The following ATP2B2 variants were observed in gnomAD, a reference collection of about 807,000 sequenced individuals.
ATP2B2 encodes the protein ATPase plasma membrane Ca2+ transporting 2, also known as plasma membrane calcium-transporting ATPase 2.
ATP2B2 carries 15 observed loss-of-function variants against 120.0 expected under a neutral mutation model. The observed-to-expected ratio is 0.12, with a 90% CI of 0.08 to 0.19. The LOEUF (loss-of-function observed/expected upper bound fraction) is 0.19. Among genes scored for constraint, ATP2B2 ranks in the 10% least tolerant of loss-of-function variants. The pLI is 1.00. For synonymous variants in ATP2B2, 694 were observed against 700.3 expected (o/e 0.99, Z 0.14); for missense variants, 1,045 against 1,719.8 (o/e 0.61, Z 6.94).
intron 2 of ATP2B2, among the ~76,000 whole-genome samples, chr3:10,560,964 G>A (rs1402279806): frequency 6.6e-6 from 1 of 152,018 alleles, no homozygotes; most frequent in Non-Finnish European, 1.5e-5. Flanking sequence ...CTTCTGCCTG[G>A]AACACTCGTG....
chr3:10,567,209 C>G (rs1319697217), intron 2 of ATP2B2, among the ~76,000 whole-genome samples: 1 of 152,206 alleles, frequency 6.6e-6, no homozygotes, highest in Non-Finnish European at 1.5e-5. Flanking sequence ...CAAAGCCTAC[C>G]CAGGGACAGA....
At chr3:10,477,496 A>G (rs1402339196) in intron 1 of ATP2B2, among the ~76,000 whole-genome samples, 1 of 152,208 alleles carries the variant, frequency 6.6e-6, no homozygotes, top group Non-Finnish European at 1.5e-5. Context: ...AACCCATCTC[A>G]GAACGTTTTC....
At chr3:10,424,442 T>C (rs1013712101) in intron 2 of ATP2B2, among the ~76,000 whole-genome samples, 2 of 152,190 alleles carry the variant, frequency 1.3e-5, no homozygotes, top group African/African-American at 4.8e-5. Flanking sequence ...GACTTGGCAA[T>C]AGACAAGAGC....
chr3:10,408,302 C>T (rs2062487627), intron 3 of ATP2B2, among the ~76,000 whole-genome samples: 1 of 152,194 alleles, frequency 6.6e-6, no homozygotes, highest in Non-Finnish European at 1.5e-5. Context: ...TGTCAACTTC[C>T]CTGGTGAAAC....
At chr3:10,608,704 G>A (rs753412959) in intron 2 of ATP2B2, among the ~76,000 whole-genome samples, 21 of 152,178 alleles carry the variant, frequency 1.4e-4, no homozygotes, top group Non-Finnish European at 2.5e-4. Flanking sequence ...CCCTTCATCT[G>A]TAAAATCTTC....
At position 10,346,563 on chromosome 3, in the gene ATP2B2, C is replaced by G. The variant is rs74778716; in HGVS notation, c.2405-426G>C. On this transcript the variant is annotated intron_variant, in intron 16 of 22. Coordinates refer to ENST00000360273, the MANE Select transcript of ATP2B2 (RefSeq NM_001001331.4). The surrounding 1 kb of genome is among the most constrained non-coding windows in gnomAD (Gnocchi z 4.1). ...AGCCAGCACTTTCTCCCTGGGGAGT[C>G]CAGGCTTGCTGAGGAGGCCTTGGCT... Among the ~76,000 whole-genome samples the G allele has an allele frequency of 6.6e-6, 1 of 152,258 alleles. No individual in the cohort carries two copies. Among genetic ancestry groups the G allele is most frequent in the African/African-American group, 2.4e-5 (1 of 41,466 alleles).
intron 1 of ATP2B2, among the ~76,000 whole-genome samples, chr3:10,671,611 C>A (rs576140595): frequency 7.2e-5 from 11 of 152,202 alleles, no homozygotes; most frequent in African/African-American, 2.6e-4. Context: ...AGGTCAGAGG[C>A]CTGCACTTTG....
chr3:10,380,047 G>T (rs1187576985), intron 8 of ATP2B2, among the ~76,000 whole-genome samples: 1 of 152,206 alleles, frequency 6.6e-6, no homozygotes, highest in Non-Finnish European at 1.5e-5. Flanking sequence ...GGTCCCCAAT[G>T]GGGGTGCTGA....
chr3:10,675,141 C>T (rs986827983), intron 1 of ATP2B2, among the ~76,000 whole-genome samples: 2 of 152,224 alleles, frequency 1.3e-5, no homozygotes, highest in African/African-American at 4.8e-5. Flanking sequence ...TTGTAGTAAA[C>T]ATTTTATTGA....
At chr3:10,398,108 T>C (rs1371541130) in intron 5 of ATP2B2, among the ~76,000 whole-genome samples, 1 of 152,214 alleles carries the variant, frequency 6.6e-6, no homozygotes, top group African/African-American at 2.4e-5. Flanking sequence ...TGACACTTGC[T>C]TTCTTTTTGC....
intron 1 of ATP2B2, among the ~76,000 whole-genome samples, chr3:10,664,704 A>G (rs1039391298): frequency 2.0e-5 from 3 of 152,198 alleles, no homozygotes; most frequent in African/African-American, 7.2e-5. Flanking sequence ...GAGAGATGAT[A>G]AAAGATTGTT....
intron 2 of ATP2B2, among the ~76,000 whole-genome samples, chr3:10,580,294 G>A (rs557165138): frequency 6.6e-6 from 1 of 152,182 alleles, no homozygotes; most frequent in East Asian, 1.9e-4. Flanking sequence ...ATGACTCTGG[G>A]GGAGTCATTA....
intron 2 of ATP2B2, among the ~76,000 whole-genome samples, chr3:10,544,449 A>G (rs2067502504): frequency 6.6e-6 from 1 of 152,248 alleles, no homozygotes; most frequent in South Asian, 2.1e-4. Context: ...TACTTCCAGC[A>G]GAACCTTTTG....
At position 10,449,681 on chromosome 3, in the gene ATP2B2, G is replaced by A. The variant is rs1025547102; in HGVS notation, c.-138C>T. 27 of 1,037,278 alleles carry A rather than the reference G, an allele frequency of 2.6e-5. No homozygotes were observed. Among genetic ancestry groups the A allele is most frequent in the Admixed American group, 1.3e-4 (7 of 52,392 alleles). The allele number at this position is 1,037,278 out of a possible 1,614,324, so 64.3% of individuals were successfully genotyped here. ...CACCAGGCGGCCGACTCCGGGTCCC[G>A]GGGGGTGGGGGTGGCCGAGGCGGGC... On this transcript the variant is annotated 5_prime_UTR_variant, in exon 2 of 23. Coordinates refer to ENST00000360273, the MANE Select transcript of ATP2B2 (RefSeq NM_001001331.4).
intron 11 of ATP2B2, 95 bp from the exon 12 acceptor site, chr3:10,372,146 G>A (rs1388386709): frequency 6.4e-7 from 1 of 1,553,140 alleles, no homozygotes; most frequent in Non-Finnish European, 8.9e-7. Flanking sequence ...AGTAAATAAG[G>A]CAGAGCCACC....
At chr3:10,664,165 C>T (rs1245608024) in intron 1 of ATP2B2, among the ~76,000 whole-genome samples, 1 of 152,092 alleles carries the variant, frequency 6.6e-6, no homozygotes, top group Non-Finnish European at 1.5e-5. Context: ...AACCCAGAAT[C>T]ACTGAGCTCC....
intron 1 of ATP2B2, among the ~76,000 whole-genome samples, chr3:10,489,453 C>G (rs1362068033): frequency 6.6e-6 from 1 of 152,228 alleles, no homozygotes; most frequent in Non-Finnish European, 1.5e-5. Flanking sequence ...GGAGGACTTG[C>G]ATATGCCTTT....
intron 1 of ATP2B2, among the ~76,000 whole-genome samples, chr3:10,489,934 C>T (rs1366035284): frequency 2.6e-5 from 4 of 152,270 alleles, no homozygotes; most frequent in African/African-American, 7.2e-5. Context: ...CTGGCCACCC[C>T]GGCCTGGTGC....
intron 1 of ATP2B2, among the ~76,000 whole-genome samples, chr3:10,678,321 T>G (rs1014941679): frequency 1.3e-5 from 2 of 152,194 alleles, no homozygotes; most frequent in African/African-American, 2.4e-5. Flanking sequence ...GAAATGAGAT[T>G]CTGTAGCATG....
Sources: gnomAD v4.1 joint callset for allele counts (sites outside exome capture counted in the v4.1 genomes callset) on GRCh38, gnomAD v4.1.1 for gene constraint, Gnocchi (gnomAD v3.1) non-coding constraint, MANE v1.5 for transcripts, NCBI Gene and HGNC (gene_info 2026-07-23, HGNC 2026-07-21) for gene names.